MED14: variants seen among roughly 807,000 people sequenced by gnomAD.
The protein encoded by MED14 is mediator complex subunit 14.
A neutral mutation model predicts 109.0 loss-of-function variants in MED14; 8 were observed. The ratio of observed to expected loss-of-function variants is 0.07; its 90% CI spans 0.04 to 0.13. The LOEUF is 0.13. MED14 is among the 10% of genes least tolerant of loss of function. MED14 has a pLI of 1.00. For synonymous variants in MED14, 399 were observed against 408.7 expected (o/e 0.98, Z 0.29); for missense variants, 711 against 1,142.4 (o/e 0.62, Z 5.44).
Position 40,709,358 on chromosome X carries a change from G to A in MED14, c.1275C>T (p.Ala425=), listed in dbSNP as rs773317412. 9.5e-7 allele frequency: 1 copy of A among 1,047,796 alleles called. No individual in the cohort carries two copies. The highest frequency in any genetic ancestry group is 1.3e-6 in the Non-Finnish European group (1 of 783,862). The allele number at this position is 1,047,796 out of a possible 1,213,427, so 86.4% of individuals were successfully genotyped here. Residue 425 remains alanine, a synonymous_variant, in exon 10 of 31, where the codon GCC becomes GCT. Coordinates refer to ENST00000324817, the MANE Select transcript of MED14 (RefSeq NM_004229.4). The stretch of plus-strand genomic sequence containing the variant: ...TTTAAAAGAACCTACAGTTTTCATT[G>A]GCATTGAAGCCTCTAAGAATGGCCT... The part of the protein sequence containing the change: ...ELKAILRGFN[A]NENSSIETAL...
In MED14 at chrX:40,649,884, G is replaced by A. The variant is rs983281577; in HGVS notation, c.*1922C>T. 2.6e-6 allele frequency: 2 copies of A among 765,903 alleles called. No homozygotes were observed. Among genetic ancestry groups the A allele is most frequent in the African/African-American group, 4.6e-5 (2 of 43,296 alleles). 63.1% of individuals were successfully genotyped at this position (765,903 alleles called of 1,213,427 possible). On this transcript the variant is annotated 3_prime_UTR_variant, in exon 31 of 31. Transcript: ENST00000324817. ...TCTTGATTGGCACAATGCATTCAGA[G>A]ATGAGTTATAATTAGGAAAAAAGAG...
intron 26 of MED14, chrX:40,659,956 G>T (rs1335028883): frequency 7.8e-6 from 1 of 128,370 alleles, no homozygotes; most frequent in Non-Finnish European, 1.6e-5. Flanking sequence ...TAAGGATGAA[G>T]AAGGAGAACT....
intron 8 of MED14, among the ~76,000 whole-genome samples, 184 bp from the exon 9 acceptor site, chrX:40,710,313 G>C (rs1212884494): frequency 9.0e-6 from 1 of 111,597 alleles, no homozygotes; most frequent in Non-Finnish European, 1.9e-5. Context: ...TTGATTTATT[G>C]CATTTAAAAA....
chrX:40,674,800 C>T (rs1331983635), intron 22 of MED14, among the ~76,000 whole-genome samples: 1 of 112,249 alleles, frequency 8.9e-6, no homozygotes, highest in Non-Finnish European at 1.9e-5. Flanking sequence ...GTGGCTTATC[C>T]AAATGGTCTT....
chrX:40,735,318 G>A lies in MED14; in HGVS notation c.95C>T (p.Pro32Leu), dbSNP rs778571031. The A allele has an allele frequency of 3.5e-4, 395 of 1,122,598 alleles. 2 individuals are homozygous for A. In the African/African-American group the frequency reaches 7.0e-3, roughly 20 times the overall value. The allele number at this position is 1,122,598 out of a possible 1,213,427, so 92.5% of individuals were successfully genotyped here. ...GGPPSAPAPPPPGAAVAAAAA... is the reference protein window; with the variant it reads ...GGPPSAPAPPLPGAAVAAAAA... ...GGCCGCCGCCACGGCGGCTCCCGGG[G>A]GAGGAGGGGCTGGGGCTGACGGGGG... The change falls in exon 1 of 31, where the codon CCC becomes CTC. Residue 32 changes from proline (P) to leucine (L), a missense_variant. Physicochemically the swap from Pro to Leu is moderately conservative, Grantham distance 98 (BLOSUM62 -3). Coordinates refer to ENST00000324817, the MANE Select transcript of MED14 (RefSeq NM_004229.4).
chrX:40,710,127 T>A lies in MED14; in HGVS notation c.1025A>T (p.Gln342Leu). ...GKCLSLSVWNQQVLGRKTGTA... is the reference protein window; with the variant it reads ...GKCLSLSVWNLQVLGRKTGTA... ...TCCAGTTTTTCTCCCAAGAACCTGT[T>A]GACTAAAGAAAAAAATGAAATGAAG... is the stretch of plus-strand genomic sequence containing the variant. The change falls in exon 9 of 31, where the codon CAA becomes CTA. Residue 342 changes from glutamine (Q) to leucine (L), a missense_variant and splice_region_variant. Transcript: ENST00000324817. 1 of 1,142,861 alleles carries A rather than the reference T, an allele frequency of 8.7e-7. No homozygotes were observed. Among genetic ancestry groups the A allele is most frequent in the Non-Finnish European group, 1.2e-6 (1 of 862,581 alleles). 94.2% of individuals were successfully genotyped at this position (1,142,861 alleles called of 1,213,427 possible). A position where few individuals can be genotyped will look rare whatever the true frequency, so the allele number is the denominator to read the frequency against.
chrX:40,676,558 T>C (rs1235248480), intron 21 of MED14, among the ~76,000 whole-genome samples: 1 of 111,842 alleles, frequency 8.9e-6, no homozygotes, highest in Non-Finnish European at 1.9e-5. Context: ...ATCCCTGAGA[T>C]ACTTTGGAAC....
At chrX:40,700,812 G>T (rs766661405) in intron 12 of MED14, among the ~76,000 whole-genome samples, 4 of 112,027 alleles carry the variant, frequency 3.6e-5, no homozygotes, top group Middle Eastern at 4.6e-3. Flanking sequence ...CAACCATGAC[G>T]ATTACCCTGG....
intron 28 of MED14, among the ~76,000 whole-genome samples, chrX:40,655,991 GATT>G (rs1342786237): frequency 9.0e-6 from 1 of 111,231 alleles, no homozygotes; most frequent in African/African-American, 3.3e-5. Context: ...AGAGAAGATT[GATT>G]ATATGATAAA....
At chrX:40,668,543 C>A (rs1378225088) in intron 23 of MED14, among the ~76,000 whole-genome samples, 2 of 111,200 alleles carry the variant, frequency 1.8e-5, no homozygotes, top group Non-Finnish European at 3.8e-5. Context: ...ACTATGGCTA[C>A]CAAAACTATG....
rs112190410 is a variant in MED14 at position 40,711,240 on chromosome X, T to A, written c.951A>T (p.Arg317=). 4 of 1,207,636 alleles carry A rather than the reference T, an allele frequency of 3.3e-6. No individual in the cohort carries two copies. In the African/African-American group the frequency reaches 5.2e-5, roughly 16 times the overall value. The change falls in exon 8 of 31, where the codon CGA becomes CGT. Residue 317 remains arginine (R), a synonymous_variant. Coordinates refer to ENST00000324817, the MANE Select transcript of MED14 (RefSeq NM_004229.4). The part of the protein sequence containing the change: ...VLHSQTLMLI[R]ERWGDLVQVE... ...CCTGCACAAGGTCTCCCCACCGTTC[T>A]CGGATTAACATTAGAGTTTGGGAAT...
intron 13 of MED14, 94 bp from the exon 14 acceptor site, chrX:40,692,996 C>A: frequency 1.7e-6 from 1 of 573,303 alleles, no homozygotes; most frequent in Non-Finnish European, 2.4e-6. Context: ...AATTATAAAT[C>A]TAATGTAGAT....
chrX:40,692,475 ATTT>A (rs1930558716), intron 14 of MED14, among the ~76,000 whole-genome samples, 158 bp from the exon 15 acceptor site: 1 of 112,150 alleles, frequency 8.9e-6, no homozygotes, highest in South Asian at 3.7e-4. Context: ...AACACTGGTA[ATTT>A]ATTAGTAAAT....
At chrX:40,681,120 T>G (rs1930095564) in intron 19 of MED14, among the ~76,000 whole-genome samples, 1 of 112,666 alleles carries the variant, frequency 8.9e-6, no homozygotes, top group Admixed American at 9.4e-5. Flanking sequence ...AGTCCTCTTT[T>G]ACTAAATAAA....
Position 40,692,919 on chromosome X carries a change from G to C in MED14, c.1651-17C>G, listed in dbSNP as rs1930580412. 1.8e-6 allele frequency: 2 copies of C among 1,105,190 alleles called. No individual in the cohort carries two copies. Among genetic ancestry groups the C allele is most frequent in the African/African-American group, 3.8e-5 (2 of 52,547 alleles). The allele number at this position is 1,105,190 out of a possible 1,213,427, so 91.1% of individuals were successfully genotyped here. ...CTCCACAACCTAAAAATCCCAAAAA[G>C]AAATAAGACTTAGAGAAATAAGAAG... is the stretch of plus-strand genomic sequence containing the variant. On this transcript the variant is annotated splice_polypyrimidine_tract_variant and intron_variant, in intron 13 of 30. Transcript: ENST00000324817.
intron 19 of MED14, among the ~76,000 whole-genome samples, chrX:40,681,465 T>A (rs1291974396): frequency 8.9e-6 from 1 of 111,889 alleles, no homozygotes; most frequent in Non-Finnish European, 1.9e-5. Flanking sequence ...TAAGTTAAGA[T>A]GAAATAATGT....
intron 30 of MED14, 70 bp from the exon 31 acceptor site, chrX:40,651,949 G>A: frequency 3.0e-6 from 3 of 1,014,705 alleles, no homozygotes; most frequent in Non-Finnish European, 3.9e-6. Context: ...GGTAAGGGAA[G>A]GGGTAATTAA....
intron 28 of MED14, 58 bp downstream of exon 28, chrX:40,659,169 C>T: frequency 1.2e-6 from 1 of 805,374 alleles, no homozygotes; most frequent in Non-Finnish European, 1.7e-6. Flanking sequence ...ACACTGCTCC[C>T]ACCAACTCTA....
At position 40,735,447 on chromosome X, in the gene MED14, C is replaced by G. The variant is rs1932230129; in HGVS notation, c.-35G>C. Reference sequence around the variant, plus strand: ...GGACCGGGCTTGGCGCAACGGCACACGATGCGGTCCTCGAGCCTCCCGGGC... The same window carrying G: ...GGACCGGGCTTGGCGCAACGGCACAGGATGCGGTCCTCGAGCCTCCCGGGC... On this transcript the variant is annotated 5_prime_UTR_variant, in exon 1 of 31. Transcript: ENST00000324817. The G allele has an allele frequency of 5.4e-6, 6 of 1,104,149 alleles. No individual in the cohort carries two copies. Among genetic ancestry groups the G allele is most frequent in the Non-Finnish European group, 6.0e-6 (5 of 827,802 alleles). 91.0% of individuals were successfully genotyped at this position (1,104,149 alleles called of 1,213,427 possible). A position where few individuals can be genotyped will look rare whatever the true frequency, so the allele number is the denominator to read the frequency against.
Sources: allele counts gnomAD v4.1 joint callset (sites outside exome capture counted in the v4.1 genomes callset), GRCh38; gene constraint gnomAD v4.1.1; transcripts MANE v1.5; gene names NCBI Gene and HGNC (gene_info 2026-07-23, HGNC 2026-07-21).